Variants in TRABD2B observed in about 807,000 individuals in gnomAD.
The protein encoded by TRABD2B is TraB domain containing 2B.
TRABD2B carries 14 observed loss-of-function variants against 40.1 expected under a neutral mutation model. That is an observed-to-expected ratio of 0.35 (90% CI 0.23 to 0.55). The LOEUF is 0.55. TRABD2B is among the 20% of genes least tolerant of loss of function. The pLI is 0.90. For synonymous variants in TRABD2B, 263 were observed against 277.0 expected (o/e 0.95, Z 0.50); for missense variants, 541 against 648.6 (o/e 0.83, Z 1.80).
chr1:47,901,851 T>C (rs766975800), intron 2 of TRABD2B, among the ~76,000 whole-genome samples: 2 of 152,050 alleles, frequency 1.3e-5, no homozygotes, highest in South Asian at 2.1e-4. Context: ...TGAGGGGCAG[T>C]TGGGGCTCCT....
chr1:47,769,832 T>G (rs1644355497), intron 6 of TRABD2B, among the ~76,000 whole-genome samples: 1 of 152,186 alleles, frequency 6.6e-6, no homozygotes, highest in Non-Finnish European at 1.5e-5. Context: ...GCTGTGTGAC[T>G]TTGGCAAGTG....
intron 2 of TRABD2B, among the ~76,000 whole-genome samples, chr1:47,952,504 T>G (rs75127990): frequency 6.6e-6 from 1 of 152,216 alleles, no homozygotes; most frequent in Non-Finnish European, 1.5e-5. Context: ...TCCCATCTGC[T>G]GACTGCTGTT....
chr1:47,801,737 T>G, intron 2 of TRABD2B, 118 bp from the exon 3 acceptor site: 5 of 1,279,960 alleles, frequency 3.9e-6, no homozygotes, highest in Non-Finnish European at 5.2e-6. Flanking sequence ...AGAAGGTGTG[T>G]GGGGCTGGCA....
chr1:47,992,960 A>G (rs1646033744), intron 2 of TRABD2B, among the ~76,000 whole-genome samples: 1 of 152,236 alleles, frequency 6.6e-6, no homozygotes. Context: ...GGAAAAACAA[A>G]GGCCAGAGAT....
intron 2 of TRABD2B, among the ~76,000 whole-genome samples, chr1:47,865,783 C>A (rs554794274): frequency 1.3e-5 from 2 of 152,114 alleles, no homozygotes; most frequent in Non-Finnish European, 1.5e-5. Flanking sequence ...CACCAGACTA[C>A]GGCTCTTAGT....
intron 2 of TRABD2B, among the ~76,000 whole-genome samples, chr1:47,972,550 CA>C (rs1645696355): frequency 6.6e-6 from 1 of 150,918 alleles, no homozygotes; most frequent in Non-Finnish European, 1.5e-5. Flanking sequence ...CACATGAGGA[CA>C]AAACTGGAAA....
At position 47,996,658 on chromosome 1, in the gene TRABD2B, G is replaced by A; in HGVS notation, c.102+30C>T. 8.1e-7 allele frequency: 1 copy of A among 1,228,356 alleles called. No homozygotes were observed. Among genetic ancestry groups the A allele is most frequent in the Non-Finnish European group, 1.0e-6 (1 of 984,660 alleles). The allele number at this position is 1,228,356 out of a possible 1,614,324, so 76.1% of individuals were successfully genotyped here. On this transcript the variant is annotated intron_variant, in intron 1 of 6. Coordinates refer to ENST00000606738, the MANE Select transcript of TRABD2B (RefSeq NM_001194986.2). The surrounding 1 kb of genome is among the most constrained non-coding windows in gnomAD (Gnocchi z 4.6). ...ACGGGACTAGAATACCCAGGCAGGC[G>A]GGAGAGTGGCCGGGCAGGCGCTCGC...
At chr1:47,871,516 G>T (rs543657934) in intron 2 of TRABD2B, among the ~76,000 whole-genome samples, 1 of 152,194 alleles carries the variant, frequency 6.6e-6, no homozygotes, top group Non-Finnish European at 1.5e-5. Flanking sequence ...TGAATGAACC[G>T]CCCTGAATGG....
At chr1:47,965,208 GGGT>G (rs1195805303) in intron 2 of TRABD2B, among the ~76,000 whole-genome samples, 1 of 109,324 alleles carries the variant, frequency 9.1e-6, no homozygotes, top group African/African-American at 3.6e-5. Flanking sequence ...GGGCGGGGGG[GGGT>G]GGAGGGGGGG....
intron 6 of TRABD2B, 132 bp from the exon 7 acceptor site, chr1:47,766,238 C>A (rs1460726806): frequency 1.6e-6 from 1 of 625,428 alleles, no homozygotes; most frequent in Non-Finnish European, 2.9e-6. Context: ...GGAGCTTGAG[C>A]AGGCAAACCG....
chr1:47,815,852 GAA>G (rs869188784), intron 2 of TRABD2B, among the ~76,000 whole-genome samples: 7 of 147,874 alleles, frequency 4.7e-5, no homozygotes, highest in African/African-American at 1.7e-4. Context: ...TAGATAGATA[GAA>G]ATAGAGTCAG....
At chr1:47,766,282 G>C (rs1468270206) in intron 6 of TRABD2B, among the ~76,000 whole-genome samples, 176 bp from the exon 7 acceptor site, 1 of 152,176 alleles carries the variant, frequency 6.6e-6, no homozygotes, top group African/African-American at 2.4e-5. Flanking sequence ...GCCTGGCTGA[G>C]CTCCAGAGTC....
At position 47,968,181 on chromosome 1, in the gene TRABD2B, T is replaced by G. The variant is rs536989047; in HGVS notation, c.666+25853A>C. Among the ~76,000 whole-genome samples, 3 of 152,382 alleles carry G rather than the reference T, an allele frequency of 2.0e-5. No homozygotes were observed. In the East Asian group the frequency reaches 5.8e-4, roughly 29 times the overall value. On this transcript the variant is annotated intron_variant, in intron 2 of 6. Transcript: ENST00000606738. ...ATAAGAACTGTTCAAATTAGCATAT[T>G]AATATTTGATCCCAAACAAATAACA...
chr1:47,951,531 G>C (rs1645344142), intron 2 of TRABD2B, among the ~76,000 whole-genome samples: 1 of 152,208 alleles, frequency 6.6e-6, no homozygotes, highest in South Asian at 2.1e-4. Flanking sequence ...AGGTATGTGG[G>C]TGAGTTTGCA....
At chr1:47,799,714 T>G (rs113658430) in intron 3 of TRABD2B, among the ~76,000 whole-genome samples, 4,400 of 152,306 alleles carry the variant, frequency 0.029, 79 homozygotes, top group Middle Eastern at 0.058. Context: ...TCCGGCTCAC[T>G]GGTGCATGGT....
Position 47,996,154 on chromosome 1 carries a change from G to A in TRABD2B, c.102+534C>T, listed in dbSNP as rs1484215675. On this transcript the variant is annotated intron_variant, in intron 1 of 6. Coordinates refer to ENST00000606738, the MANE Select transcript of TRABD2B (RefSeq NM_001194986.2). This position sits in a 1 kb window ranked among gnomAD's most constrained non-coding sequence, Gnocchi z 4.6. Reference sequence around the variant, plus strand: ...ATATGGACGCTTGGGAGAGTAGGTGGTGGGAGCCTGGGCCGCAGAGATGGA... The same window carrying A: ...ATATGGACGCTTGGGAGAGTAGGTGATGGGAGCCTGGGCCGCAGAGATGGA... 2.6e-5 allele frequency among the ~76,000 whole-genome samples: 4 copies of A among 152,076 alleles called. No individual in the cohort carries two copies. Among genetic ancestry groups the A allele is most frequent in the Admixed American group, 2.6e-4 (4 of 15,266 alleles).
chr1:47,826,946 A>G lies in TRABD2B; in HGVS notation c.667-25327T>C, dbSNP rs141700152. ...TACTGGGGCAGGACTCTTGAGTTCT[A>G]TTTCTGTAGTGACCCCCACACACTG... On this transcript the variant is annotated intron_variant, in intron 2 of 6. Coordinates refer to ENST00000606738, the MANE Select transcript of TRABD2B (RefSeq NM_001194986.2). Among the ~76,000 whole-genome samples, 7 of 152,222 alleles carry G rather than the reference A, an allele frequency of 4.6e-5. No individual in the cohort carries two copies. The East Asian group carries it at 9.7e-4, about 21-fold the overall frequency.
At chr1:47,969,171 C>A (rs1645645576) in intron 2 of TRABD2B, among the ~76,000 whole-genome samples, 2 of 152,186 alleles carry the variant, frequency 1.3e-5, no homozygotes, top group South Asian at 4.1e-4. Flanking sequence ...ATCACAGAAG[C>A]CTGGAGGTTT....
intron 2 of TRABD2B, among the ~76,000 whole-genome samples, chr1:47,909,559 A>AGGAGG (rs1644727325): frequency 1.7e-5 from 2 of 117,352 alleles, no homozygotes; most frequent in African/African-American, 6.7e-5. Flanking sequence ...AAGAAGGAAG[A>AGGAGG]AGGAGGAGGA....
Sources: allele counts gnomAD v4.1 joint callset (sites outside exome capture counted in the v4.1 genomes callset), GRCh38; gene constraint gnomAD v4.1.1; non-coding constraint Gnocchi (gnomAD v3.1); transcripts MANE v1.5; gene names NCBI Gene and HGNC (gene_info 2026-07-23, HGNC 2026-07-21).